Variants in DENND4C observed in about 807,000 individuals in gnomAD.
The protein encoded by DENND4C is DENN domain containing 4C, also known as DENN domain-containing protein 4C.
In DENND4C, 108 loss-of-function variants were observed where a neutral mutation model predicts 203.0. The observed-to-expected ratio is 0.53, with a 90% CI of 0.46 to 0.62. The LOEUF (loss-of-function observed/expected upper bound fraction) is 0.62. DENND4C is among the 20% of genes least tolerant of loss of function. DENND4C has a pLI of 0.00. For synonymous variants in DENND4C, 871 were observed against 792.4 expected (o/e 1.10, Z -1.67); for missense variants, 2,481 against 2,301.2 (o/e 1.08, Z -1.60).
At chr9:19,254,650 A>G (rs2131654452) in intron 1 of DENND4C, among the ~76,000 whole-genome samples, 1 of 152,268 alleles carries the variant, frequency 6.6e-6, no homozygotes. Flanking sequence ...ATTATACTGT[A>G]TTGCTTACTT....
intron 1 of DENND4C, among the ~76,000 whole-genome samples, chr9:19,275,387 G>A (rs572555669): frequency 6.6e-6 from 1 of 151,182 alleles, no homozygotes; most frequent in Non-Finnish European, 1.5e-5. Context: ...CCGCCTTCCG[G>A]GGTCGAGCGA....
Position 19,358,459 on chromosome 9 carries a change from A to T in DENND4C, c.5160+299A>T, listed in dbSNP as rs1035546797. Among the ~76,000 whole-genome samples the T allele has an allele frequency of 6.7e-6, 1 of 149,156 alleles. No individual in the cohort carries two copies. The highest frequency in any genetic ancestry group is 2.6e-5 in the African/African-American group (1 of 38,564). The stretch of plus-strand genomic sequence containing the variant: ...TTTTGAAGCAAATTTCAAACATCAC[A>T]TATTCTGTTAGTAAATATTTCAGTA... On this transcript the variant is annotated intron_variant, in intron 28 of 32. Transcript: ENST00000434457. This position sits in a 1 kb window ranked among gnomAD's most constrained non-coding sequence, Gnocchi z 4.8.
chr9:19,326,097 A>G lies in DENND4C; in HGVS notation c.2023A>G (p.Ile675Val). ...TGATTCAGCAGAAGATACCAGATTG[A>G]TAGAACTAGATGATTCACAGAAAAG... Reference protein sequence around the residue: ...DFDSAEDTRLIELDDSQKSEH... With the variant: ...DFDSAEDTRLVELDDSQKSEH... Residue 675 changes from isoleucine to valine, a missense_variant, in exon 15 of 33, where the codon ATA becomes GTA. Around this residue, in one of 3 missense-constraint regions of DENND4C, gnomAD observed 2,289 missense variants for 2,113.3 expected, o/e 1.08. Coordinates refer to ENST00000434457, the MANE Select transcript of DENND4C (RefSeq NM_001330640.2). 6.2e-7 allele frequency: 1 copy of G among 1,612,194 alleles called. No homozygotes were observed. The highest frequency in any genetic ancestry group is 8.5e-7 in the Non-Finnish European group (1 of 1,179,486).
chr9:19,352,681 GCT>G lies in DENND4C; in HGVS notation c.4781+22_4781+23del. ...GTTCTGCAAGGTTAGTCTTATAAAA[GCT>G]CTCTCAAGAAGTAAGTACCCTCAAA... On this transcript the variant is annotated intron_variant, in intron 26 of 32. Coordinates refer to ENST00000434457, the MANE Select transcript of DENND4C (RefSeq NM_001330640.2). 1 of 1,553,864 alleles carries G rather than the reference GCT, an allele frequency of 6.4e-7. No individual in the cohort carries two copies. The highest frequency in any genetic ancestry group is 8.7e-7 in the Non-Finnish European group (1 of 1,146,872).
intron 1 of DENND4C, among the ~76,000 whole-genome samples, chr9:19,241,073 C>T (rs1399536184): frequency 6.6e-6 from 1 of 152,138 alleles, no homozygotes; most frequent in Non-Finnish European, 1.5e-5. Flanking sequence ...GAGGACCTTG[C>T]AGGAGTGGAA....
intron 5 of DENND4C, among the ~76,000 whole-genome samples, chr9:19,294,912 C>T (rs1170243406): frequency 6.6e-6 from 1 of 152,168 alleles, no homozygotes; most frequent in African/African-American, 2.4e-5. Context: ...GGGAAGTTAC[C>T]ATTTAAGGGT....
rs1835324571 is a variant in DENND4C, at chr9:19,286,981, A to G, written c.518A>G (p.His173Arg). 8.1e-7 allele frequency: 1 copy of G among 1,232,020 alleles called. No homozygotes were observed. Among genetic ancestry groups the G allele is most frequent in the Admixed American group, 4.2e-5 (1 of 23,698 alleles). 76.3% of individuals were successfully genotyped at this position (1,232,020 alleles called of 1,614,324 possible). The change falls in exon 3 of 33, where the codon CAT becomes CGT. Residue 173 changes from histidine to arginine, a missense_variant. By Grantham distance (29) the His-to-Arg change is conservative (BLOSUM62 0). Around this residue, in one of 3 missense-constraint regions of DENND4C, gnomAD observed 2,289 missense variants for 2,113.3 expected, o/e 1.08. Transcript: ENST00000434457. ...IVTSKGETPP[H>R]TFCKVDKNLN... ...ACCAGTAAAGGAGAAACTCCTCCTC[A>G]TACCTTCTGCAAAGTTGACAAAAAC...
At chr9:19,285,741 T>C (rs186080113) in intron 2 of DENND4C, among the ~76,000 whole-genome samples, 33 of 152,240 alleles carry the variant, frequency 2.2e-4, no homozygotes, top group African/African-American at 7.2e-4. Context: ...TGATGAGTAG[T>C]ATAAGGAAGG....
Position 19,271,207 on chromosome 9 carries a change from T to TC in DENND4C, c.-17-4951_-17-4950insC, listed in dbSNP as rs1337390394. ...GTAAAAATTAATATGGATTCTTTTT[T>TC]TTTTTTTTTTTTGAGACAGTCTTGC... On this transcript the variant is annotated intron_variant, in intron 1 of 32. Transcript: ENST00000434457. Among the ~76,000 whole-genome samples, 3 of 150,960 alleles carry TC rather than the reference T, an allele frequency of 2.0e-5. No homozygotes were observed. The East Asian group carries it at 5.8e-4, about 29-fold the overall frequency.
chr9:19,276,394 A>T lies in DENND4C; in HGVS notation c.220A>T (p.Asn74Tyr), dbSNP rs1223297466. Residue 74 changes from asparagine (N) to tyrosine (Y), a missense_variant, in exon 2 of 33, where the codon AAC becomes TAC. This residue lies in a region of DENND4C where 187 missense variants were observed against 167.4 expected (regional missense o/e 1.12). Transcript: ENST00000434457. ...VEATPSALQANLNYGSLKSPE... is the reference protein window; with the variant it reads ...VEATPSALQAYLNYGSLKSPE... Reference sequence around the variant, plus strand: ...AGCCACTCCATCAGCTCTCCAAGCAAACTTGAACTATGGAAGTCTGAAAAG... The same window carrying T: ...AGCCACTCCATCAGCTCTCCAAGCATACTTGAACTATGGAAGTCTGAAAAG... The T allele has an allele frequency of 1.6e-6, 2 of 1,232,004 alleles. No individual in the cohort carries two copies. Among genetic ancestry groups the T allele is most frequent in the Non-Finnish European group, 2.0e-6 (2 of 987,944 alleles). 76.3% of individuals were successfully genotyped at this position (1,232,004 alleles called of 1,614,324 possible).
Position 19,324,367 on chromosome 9 carries a change from T to C in DENND4C, c.1813T>C (p.Leu605=), listed in dbSNP as rs761678751. Residue 605 remains leucine, a synonymous_variant, in exon 13 of 33, where the codon TTA becomes CTA. Transcript: ENST00000434457. ...ADSLFDRQGF[L]KSRDRAYAKF... Reference sequence around the variant, plus strand: ...TTATATTTTGTTTTCCTCAGGATTTTTAAAAAGTCGAGATCGTGCCTATGC... The same window carrying C: ...TTATATTTTGTTTTCCTCAGGATTTCTAAAAAGTCGAGATCGTGCCTATGC... 68 of 1,583,450 alleles carry C rather than the reference T, an allele frequency of 4.3e-5. No homozygotes were observed. The highest frequency in any genetic ancestry group is 5.2e-5 in the Non-Finnish European group (61 of 1,171,286).
chr9:19,327,423 T>C (rs1818052922), intron 15 of DENND4C, among the ~76,000 whole-genome samples: 1 of 152,038 alleles, frequency 6.6e-6, no homozygotes, highest in Non-Finnish European at 1.5e-5. Flanking sequence ...AATAATTTGA[T>C]ATTAATTATA....
At position 19,276,258 on chromosome 9, in the gene DENND4C, A is replaced by G. The variant is rs1832887357; in HGVS notation, c.84A>G (p.Glu28=). 8.1e-7 allele frequency: 1 copy of G among 1,231,994 alleles called. No homozygotes were observed. The highest frequency in any genetic ancestry group is 1.0e-6 in the Non-Finnish European group (1 of 987,920). 76.3% of individuals were successfully genotyped at this position (1,231,994 alleles called of 1,614,324 possible). Reference sequence around the variant, plus strand: ...ACACATCTACTCTTTTGGATCAAGAAATAAATCGTTTAGATACTAAGTCAA... The same window carrying G: ...ACACATCTACTCTTTTGGATCAAGAGATAAATCGTTTAGATACTAAGTCAA... The part of the protein sequence containing the change: ...LTDTSTLLDQ[E]INRLDTKSTG... The change falls in exon 2 of 33, where the codon GAA becomes GAG. Residue 28 remains glutamate (E), a synonymous_variant. Coordinates refer to ENST00000434457, the MANE Select transcript of DENND4C (RefSeq NM_001330640.2).
chr9:19,370,317 G>A (rs980260840), intron 31 of DENND4C, among the ~76,000 whole-genome samples: 3 of 152,050 alleles, frequency 2.0e-5, no homozygotes, highest in Non-Finnish European at 4.4e-5. Flanking sequence ...ATTTGTCAGG[G>A]GTGGTATGTG....
rs1826221639 is a variant in DENND4C at position 19,360,436 on chromosome 9, A to T, written c.5353A>T (p.Ser1785Cys). 4 of 1,614,030 alleles carry T rather than the reference A, an allele frequency of 2.5e-6. No individual in the cohort carries two copies. The highest frequency in any genetic ancestry group is 1.7e-5 in the Admixed American group (1 of 60,002). The change falls in exon 29 of 33, where the codon AGT (serine) becomes TGT (cysteine). Residue 1785 changes from serine (S) to cysteine (C), a missense_variant. By Grantham distance (112) the Ser-to-Cys change is moderately radical. Coordinates refer to ENST00000434457, the MANE Select transcript of DENND4C (RefSeq NM_001330640.2). ...GTATTTCAGACGTTTGGACCTTCCT[A>T]GTAACTTGCCAGGACTTATCCTCAC... ...VWYFRRLDLP[S>C]NLPGLILTSE...
Position 19,346,531 on chromosome 9 carries a change from T to G in DENND4C, c.3762T>G (p.Ser1254=). ...TTGAAACTGGACTAGATCCTTTGTC[T>G]CTTTTAGCCACTGAATGTACAGGAG... The part of the protein sequence containing the change: ...EDVETGLDPL[S]LLATECTGGK... Residue 1254 remains serine (S), a synonymous_variant, in exon 23 of 33, where the codon TCT becomes TCG. Coordinates refer to ENST00000434457, the MANE Select transcript of DENND4C (RefSeq NM_001330640.2). 1 of 1,614,172 alleles carries G rather than the reference T, an allele frequency of 6.2e-7. No individual in the cohort carries two copies. Among genetic ancestry groups the G allele is most frequent in the South Asian group, 1.1e-5 (1 of 91,080 alleles).
chr9:19,316,307 G>A, intron 10 of DENND4C, 110 bp from the exon 11 acceptor site: 1 of 761,646 alleles, frequency 1.3e-6, no homozygotes, highest in East Asian at 2.7e-5. Context: ...AGTTAAGACT[G>A]TAGTAAAAAC....
chr9:19,327,048 A>G (rs1249112736), intron 15 of DENND4C, among the ~76,000 whole-genome samples: 1 of 152,118 alleles, frequency 6.6e-6, no homozygotes, highest in Non-Finnish European at 1.5e-5. Flanking sequence ...ATTAATGTAT[A>G]ATATCAAGAG....
At chr9:19,301,797 C>T (rs1017579709) in intron 9 of DENND4C, among the ~76,000 whole-genome samples, 18 of 151,940 alleles carry the variant, frequency 1.2e-4, no homozygotes, top group Admixed American at 3.3e-4. Flanking sequence ...ATTAGCTGGG[C>T]GTGGTGGTGC....
Sources: allele counts gnomAD v4.1 joint callset (sites outside exome capture counted in the v4.1 genomes callset), GRCh38; gene constraint gnomAD v4.1.1; regional missense constraint gnomAD v4.1.1; non-coding constraint Gnocchi (gnomAD v3.1); transcripts MANE v1.5; gene names NCBI Gene and HGNC (gene_info 2026-07-23, HGNC 2026-07-21).